Variants in SOS1 observed in about 807,000 individuals in gnomAD.
The protein encoded by SOS1 is son of sevenless homolog 1.
A neutral mutation model predicts 157.6 loss-of-function variants in SOS1; 25 were observed. The observed-to-expected ratio is 0.16, with a 90% CI of 0.12 to 0.22. The LOEUF (loss-of-function observed/expected upper bound fraction) is 0.22. Among genes scored for constraint, SOS1 ranks in the 10% least tolerant of loss-of-function variants. The pLI, the probability that SOS1 is intolerant of heterozygous loss-of-function variation, is 1.00. For synonymous variants in SOS1, 528 were observed against 534.0 expected, an observed-to-expected ratio of 0.99 and a Z score of 0.16; for missense variants, 1,237 against 1,599.1, an observed-to-expected ratio of 0.77 and a Z score of 3.86.
At chr2:39,036,698 C>G (rs533675609) in intron 6 of SOS1, among the ~76,000 whole-genome samples, 2 of 152,140 alleles carry the variant, frequency 1.3e-5, no homozygotes, top group Non-Finnish European at 2.9e-5. Flanking sequence ...CTCAGCCTCC[C>G]GAGTAGCTGG....
intron 1 of SOS1, among the ~76,000 whole-genome samples, chr2:39,095,758 G>A (rs181016455): frequency 6.6e-6 from 1 of 152,184 alleles, no homozygotes; most frequent in Admixed American, 6.5e-5. Context: ...GGACAGAGAG[G>A]AATCATTAGA....
intron 6 of SOS1, among the ~76,000 whole-genome samples, chr2:39,040,488 T>C (rs1373255131): frequency 6.6e-6 from 1 of 152,280 alleles, no homozygotes; most frequent in African/African-American, 2.4e-5. Context: ...TAACTGATCA[T>C]TGCCTCTTCC....
At chr2:39,010,955 G>A (rs1669448005) in intron 14 of SOS1, among the ~76,000 whole-genome samples, 2 of 143,054 alleles carry the variant, frequency 1.4e-5, no homozygotes, top group Non-Finnish European at 3.0e-5. Context: ...GAGTACAATG[G>A]CATGATCTTG....
chr2:39,002,482 T>C (rs984695040), intron 17 of SOS1, among the ~76,000 whole-genome samples: 3 of 152,186 alleles, frequency 2.0e-5, no homozygotes, highest in Non-Finnish European at 2.9e-5. Flanking sequence ...GAGGTTTCTT[T>C]TCATGTCTGT....
At chr2:39,032,774 C>CTGTA in intron 8 of SOS1, among the ~76,000 whole-genome samples, 1 of 152,084 alleles carries the variant, frequency 6.6e-6, no homozygotes, top group East Asian at 1.9e-4. Context: ...CCAGCCTGGC[C>CTGTA]TACATGGTGA....
chr2:39,032,143 G>C (rs1670182381), intron 8 of SOS1, among the ~76,000 whole-genome samples: 1 of 152,090 alleles, frequency 6.6e-6, no homozygotes, highest in Non-Finnish European at 1.5e-5. Context: ...TTCGTGGTGA[G>C]AACACAATAT....
chr2:39,114,850 G>A (rs1673585806), intron 1 of SOS1, among the ~76,000 whole-genome samples: 1 of 152,106 alleles, frequency 6.6e-6, no homozygotes, highest in Non-Finnish European at 1.5e-5. Context: ...CACCTGCCTT[G>A]GCCTCCCAAC....
chr2:38,986,463 T>A, intron 22 of SOS1, 148 bp from the exon 23 acceptor site: 1 of 800,564 alleles, frequency 1.2e-6, no homozygotes, highest in Non-Finnish European at 1.9e-6. Flanking sequence ...TCTTTTTAAT[T>A]AAAAAAAAAT....
At chr2:39,008,538 T>TA (rs1455179011) in intron 15 of SOS1, among the ~76,000 whole-genome samples, 3 of 152,208 alleles carry the variant, frequency 2.0e-5, no homozygotes, top group Non-Finnish European at 4.4e-5. Context: ...CTAATGAAGA[T>TA]ACACCCTAGA....
At chr2:39,034,743 C>T (rs1670284577) in intron 8 of SOS1, 1 of 453,504 alleles carries the variant, frequency 2.2e-6, no homozygotes, top group African/African-American at 2.0e-5. Context: ...TAGTTGCAAA[C>T]TTGAGCTATG....
At chr2:39,039,127 G>C (rs1407926575) in intron 6 of SOS1, among the ~76,000 whole-genome samples, 1 of 152,134 alleles carries the variant, frequency 6.6e-6, no homozygotes, top group Non-Finnish European at 1.5e-5. Context: ...CTAAATCTAG[G>C]TATATATGTT....
chr2:38,990,026 G>T (rs1225057277), intron 20 of SOS1, among the ~76,000 whole-genome samples: 1 of 151,940 alleles, frequency 6.6e-6, no homozygotes, highest in Non-Finnish European at 1.5e-5. Flanking sequence ...CAAAAAGCTA[G>T]GTGATCTATA....
chr2:39,060,771 T>G (rs1671372886), intron 2 of SOS1, among the ~76,000 whole-genome samples: 2 of 152,122 alleles, frequency 1.3e-5, no homozygotes, highest in Non-Finnish European at 2.9e-5. Context: ...TAAAGTAATT[T>G]TATGACTTAC....
upstream of SOS1, among the ~76,000 whole-genome samples, chr2:39,122,447 T>TACAC (rs70954783): frequency 5.8e-3 from 828 of 142,200 alleles, 9 homozygotes; most frequent in African/African-American, 0.021. Flanking sequence ...AAAAAAAATA[T>TACAC]ACACACACAC....
chr2:39,031,870 G>GTTTTTTTAC (rs1268423325), intron 8 of SOS1, among the ~76,000 whole-genome samples: 6 of 152,070 alleles, frequency 3.9e-5, no homozygotes, highest in Non-Finnish European at 8.8e-5. Flanking sequence ...AGGGCACAAA[G>GTTTTTTTAC]GAAGTTTTTT....
chr2:38,990,173 T>G (rs1668686922), intron 20 of SOS1, among the ~76,000 whole-genome samples: 1 of 151,458 alleles, frequency 6.6e-6, no homozygotes, highest in African/African-American at 2.4e-5. Context: ...AGATTTCGTT[T>G]TTTTTTTTTT....
chr2:39,062,201 T>G (rs1376744121), intron 2 of SOS1, among the ~76,000 whole-genome samples: 1 of 151,696 alleles, frequency 6.6e-6, no homozygotes, highest in Non-Finnish European at 1.5e-5. Flanking sequence ...GCGGACTGCT[T>G]GAGGTCAGGA....
chr2:39,056,795 T>C lies in SOS1; in HGVS notation c.417A>G (p.Ala139=). Residue 139 remains alanine, a synonymous_variant, in exon 4 of 23, where the codon GCA becomes GCG. Transcript: ENST00000402219. The part of the protein sequence containing the change: ...YIVAVLEYIS[A]DILKLVGNYV... ...AATTCCCAACCAGCTTTAAAATGTC[T>C]GCAGAAATGTATTCTAAGACTGCTA... 6.2e-7 allele frequency: 1 copy of C among 1,602,680 alleles called. No individual in the cohort carries two copies. The highest frequency in any genetic ancestry group is 8.5e-7 in the Non-Finnish European group (1 of 1,169,682).
chr2:39,100,458 C>T (rs571143423), intron 1 of SOS1, among the ~76,000 whole-genome samples: 1 of 152,274 alleles, frequency 6.6e-6, no homozygotes, highest in African/African-American at 2.4e-5. Context: ...CAGATACACA[C>T]AATGGAATAT....
Sources: gnomAD v4.1 joint callset for allele counts (sites outside exome capture counted in the v4.1 genomes callset) on GRCh38, gnomAD v4.1.1 for gene constraint, MANE v1.5 for transcripts, NCBI Gene and HGNC (gene_info 2026-07-23, HGNC 2026-07-21) for gene names.